Variants in ATXN1 observed in about 807,000 individuals in gnomAD.
ATXN1 encodes ataxin-1.
Under a neutral mutation model 56.4 loss-of-function variants are expected in ATXN1, and 8 were observed. The observed-to-expected ratio is 0.14, with a 90% CI of 0.08 to 0.26. The LOEUF is 0.26. ATXN1 is among the 10% of genes least tolerant of loss of function. The pLI is 1.00. For missense variants in ATXN1, 987 were observed against 1,106.5 expected, an observed-to-expected ratio of 0.89 and a Z score of 1.53; for synonymous variants, 514 against 494.6, an observed-to-expected ratio of 1.04 and a Z score of -0.52.
chr6:16,406,813 T>C (rs189272141), intron 6 of ATXN1, among the ~76,000 whole-genome samples: 1 of 152,340 alleles, frequency 6.6e-6, no homozygotes, highest in Admixed American at 6.5e-5. Context: ...AGTTCTAAGC[T>C]GCTAGCCATT....
chr6:16,701,789 AC>A (rs1318902910), intron 2 of ATXN1, among the ~76,000 whole-genome samples: 6 of 152,172 alleles, frequency 3.9e-5, no homozygotes, highest in Non-Finnish European at 7.3e-5. Flanking sequence ...GATGTGAAGA[AC>A]CCCTTCAAGG....
chr6:16,561,006 T>G (rs981741127), intron 4 of ATXN1, among the ~76,000 whole-genome samples: 9 of 152,268 alleles, frequency 5.9e-5, no homozygotes, highest in Admixed American at 5.2e-4. Flanking sequence ...GTGGAGACAA[T>G]GGGAGTGAGT....
chr6:16,426,186 T>G (rs935733074), intron 6 of ATXN1, among the ~76,000 whole-genome samples: 1 of 152,174 alleles, frequency 6.6e-6, no homozygotes, highest in East Asian at 1.9e-4. Flanking sequence ...TTGAAATTTA[T>G]GAGTAATGAG....
chr6:16,465,380 C>T (rs1377495073), intron 6 of ATXN1, among the ~76,000 whole-genome samples: 1 of 152,306 alleles, frequency 6.6e-6, no homozygotes, highest in East Asian at 1.9e-4. Context: ...TTGCTTGAAC[C>T]CAGGAGACGG....
At chr6:16,359,134 T>G (rs1317272613) in intron 6 of ATXN1, among the ~76,000 whole-genome samples, 1 of 152,152 alleles carries the variant, frequency 6.6e-6, no homozygotes, top group African/African-American at 2.4e-5. Flanking sequence ...AGAGCTGGGT[T>G]GGGGCCAAGC....
intron 6 of ATXN1, among the ~76,000 whole-genome samples, chr6:16,345,066 G>T (rs1761347400): frequency 6.6e-6 from 1 of 152,174 alleles, no homozygotes; most frequent in African/African-American, 2.4e-5. Context: ...ATCTCTTGCA[G>T]TTTGTCTTCC....
chr6:16,312,677 C>T (rs576189016), intron 7 of ATXN1, among the ~76,000 whole-genome samples: 190 of 152,026 alleles, frequency 1.2e-3, no homozygotes, highest in Non-Finnish European at 2.2e-3. Context: ...ATGGTGAAAC[C>T]CTCTATTAAA....
chr6:16,626,965 G>A (rs2113806398), intron 3 of ATXN1, among the ~76,000 whole-genome samples: 1 of 152,268 alleles, frequency 6.6e-6, no homozygotes, highest in Non-Finnish European at 1.5e-5. Flanking sequence ...AGAATCATAA[G>A]AAAATAAGTT....
chr6:16,426,158 G>A (rs1052903787), intron 6 of ATXN1, among the ~76,000 whole-genome samples: 1 of 152,148 alleles, frequency 6.6e-6, no homozygotes, highest in African/African-American at 2.4e-5. Context: ...ACCTTTTGAG[G>A]ACAGAAGGCA....
chr6:16,422,274 T>C (rs1041738559), intron 6 of ATXN1, among the ~76,000 whole-genome samples: 11 of 152,152 alleles, frequency 7.2e-5, no homozygotes, highest in African/African-American at 1.9e-4. Context: ...CAGAAAGATA[T>C]AGGTGGGTTC....
At chr6:16,472,190 TAAG>T (rs1166410532) in intron 6 of ATXN1, among the ~76,000 whole-genome samples, 1 of 152,100 alleles carries the variant, frequency 6.6e-6, no homozygotes, top group African/African-American at 2.4e-5. Context: ...CTTCCAAAAA[TAAG>T]AAGATTCTAT....
chr6:16,493,700 A>G (rs566194774), intron 5 of ATXN1, among the ~76,000 whole-genome samples: 1 of 152,286 alleles, frequency 6.6e-6, no homozygotes, highest in East Asian at 1.9e-4. Context: ...ATGGTATTAT[A>G]TTACATTATA....
intron 4 of ATXN1, among the ~76,000 whole-genome samples, chr6:16,551,080 A>T (rs369844292): frequency 4.2e-4 from 64 of 152,336 alleles, no homozygotes; most frequent in African/African-American, 1.5e-3. Context: ...CCTTGGAGAC[A>T]TAACACTGGA....
chr6:16,379,002 T>A (rs1345063397), intron 6 of ATXN1, among the ~76,000 whole-genome samples: 2 of 152,190 alleles, frequency 1.3e-5, no homozygotes, highest in African/African-American at 4.8e-5. Context: ...TGCAAAATCA[T>A]GGAACCAACC....
At chr6:16,443,208 CAAAAAAAAAAAAAAA>C (rs70999325) in intron 6 of ATXN1, among the ~76,000 whole-genome samples, 12 of 40,762 alleles carry the variant, frequency 2.9e-4, no homozygotes, top group African/African-American at 1.2e-3. Flanking sequence ...TCTATTGGAG[CAAAAAAAAAAAAAAA>C]AAAAAAAAAA....
At chr6:16,580,436 A>G (rs1762508031) in intron 4 of ATXN1, among the ~76,000 whole-genome samples, 1 of 152,246 alleles carries the variant, frequency 6.6e-6, no homozygotes, top group Non-Finnish European at 1.5e-5. Context: ...CACTTTGAGT[A>G]GTATGGTTTG....
chr6:16,545,625 T>C (rs1329969919), intron 4 of ATXN1, among the ~76,000 whole-genome samples: 1 of 152,180 alleles, frequency 6.6e-6, no homozygotes, highest in African/African-American at 2.4e-5. Context: ...TGTGGGGTGG[T>C]TGACATGGAC....
At chr6:16,695,559 C>T (rs983984507) in intron 2 of ATXN1, among the ~76,000 whole-genome samples, 7 of 152,188 alleles carry the variant, frequency 4.6e-5, no homozygotes, top group African/African-American at 1.7e-4. Flanking sequence ...CTGGGCCCAG[C>T]CTAGGACGGA....
At chr6:16,387,173 A>T (rs1356158953) in intron 6 of ATXN1, among the ~76,000 whole-genome samples, 1 of 152,076 alleles carries the variant, frequency 6.6e-6, no homozygotes, top group African/African-American at 2.4e-5. Context: ...GCGGGAGATC[A>T]ATGACTCAAT....
Sources: gnomAD v4.1 joint callset for allele counts (sites outside exome capture counted in the v4.1 genomes callset) on GRCh38, gnomAD v4.1.1 for gene constraint, MANE v1.5 for transcripts, NCBI Gene and HGNC (gene_info 2026-07-23, HGNC 2026-07-21) for gene names.